The following CYSTM1 variants were observed in gnomAD, a reference collection of about 807,000 sequenced individuals.
CYSTM1 encodes the protein cysteine-rich transmembrane module-containing protein 1.
In CYSTM1, 4 loss-of-function variants were observed where a neutral mutation model predicts 13.1. The observed-to-expected ratio is 0.31, with a 90% CI of 0.15 to 0.70. The LOEUF (loss-of-function observed/expected upper bound fraction) is 0.70. Ranked by LOEUF, CYSTM1 falls within the 30% of genes least tolerant of loss-of-function variation. CYSTM1 has a pLI of 0.72. For synonymous variants in CYSTM1, 36 were observed against 42.7 expected (o/e 0.84, Z 0.62); for missense variants, 96 against 121.6 (o/e 0.79, Z 0.99).
chr5:140,213,913 T>C (rs1764399659), intron 2 of CYSTM1, among the ~76,000 whole-genome samples: 1 of 152,240 alleles, frequency 6.6e-6, no homozygotes, highest in Non-Finnish European at 1.5e-5. Context: ...CATGACTGTA[T>C]TGTACTGTTT....
intron 2 of CYSTM1, among the ~76,000 whole-genome samples, chr5:140,216,479 G>T (rs80346367): frequency 6.6e-6 from 1 of 152,136 alleles, no homozygotes; most frequent in Non-Finnish European, 1.5e-5. Flanking sequence ...AGGGGATGGG[G>T]GTCCGTGGAG....
intron 2 of CYSTM1, among the ~76,000 whole-genome samples, chr5:140,196,513 A>T (rs972020697): frequency 6.6e-6 from 1 of 152,258 alleles, no homozygotes; most frequent in Non-Finnish European, 1.5e-5. Context: ...TGAATAGAAT[A>T]TTTGAATACC....
At chr5:140,204,927 C>A (rs1391530013) in intron 2 of CYSTM1, among the ~76,000 whole-genome samples, 2 of 152,148 alleles carry the variant, frequency 1.3e-5, no homozygotes, top group Non-Finnish European at 2.9e-5. Context: ...TATTTTAACT[C>A]CCATAAGTCC....
chr5:140,204,103 A>C (rs903309871), intron 2 of CYSTM1, among the ~76,000 whole-genome samples: 3 of 152,188 alleles, frequency 2.0e-5, no homozygotes, highest in African/African-American at 7.2e-5. Flanking sequence ...CAGGAAACTC[A>C]TGCCTGTAGT....
At chr5:140,194,415 G>T in intron 1 of CYSTM1, 31 bp from the exon 2 acceptor site, 1 of 1,512,064 alleles carries the variant, frequency 6.6e-7, no homozygotes, top group Non-Finnish European at 8.8e-7. Flanking sequence ...ACAGTTAAAT[G>T]CAAATAATTT....
intron 2 of CYSTM1, among the ~76,000 whole-genome samples, chr5:140,223,095 C>T (rs1030371387): frequency 2.6e-5 from 4 of 152,162 alleles, no homozygotes; most frequent in African/African-American, 9.7e-5. Flanking sequence ...TGAATGATTG[C>T]AATTACAGTG....
chr5:140,232,180 A>G (rs1764625165), intron 2 of CYSTM1, among the ~76,000 whole-genome samples: 1 of 152,170 alleles, frequency 6.6e-6, no homozygotes, highest in Non-Finnish European at 1.5e-5. Flanking sequence ...AGAGAAAGGA[A>G]TCATGATTGG....
intron 2 of CYSTM1, among the ~76,000 whole-genome samples, chr5:140,198,936 C>A (rs1764185874): frequency 6.6e-6 from 1 of 152,130 alleles, no homozygotes; most frequent in African/African-American, 2.4e-5. Context: ...GGTATTTCTC[C>A]TAATGCTATC....
intron 2 of CYSTM1, among the ~76,000 whole-genome samples, chr5:140,223,019 C>T (rs1764509212): frequency 6.6e-6 from 1 of 152,220 alleles, no homozygotes; most frequent in African/African-American, 2.4e-5. Flanking sequence ...TAGATACTCA[C>T]CTTGAGCCCA....
chr5:140,205,662 ATAAAG>A (rs1764290119), intron 2 of CYSTM1, among the ~76,000 whole-genome samples: 2 of 152,180 alleles, frequency 1.3e-5, no homozygotes, highest in African/African-American at 2.4e-5. Flanking sequence ...TAAAGAATAA[ATAAAG>A]TAATGCATCT....
chr5:140,194,268 T>A (rs1320084508), intron 1 of CYSTM1, among the ~76,000 whole-genome samples, 178 bp from the exon 2 acceptor site: 1 of 152,120 alleles, frequency 6.6e-6, no homozygotes, highest in African/African-American at 2.4e-5. Context: ...AATAAATATA[T>A]AAGATAATTG....
chr5:140,189,010 C>T (rs923301377), intron 1 of CYSTM1, among the ~76,000 whole-genome samples: 1 of 151,974 alleles, frequency 6.6e-6, no homozygotes, highest in African/African-American at 2.4e-5. Context: ...CTGAAGGTTC[C>T]CTTCTATCTT....
chr5:140,199,746 C>T (rs972229589), intron 2 of CYSTM1, among the ~76,000 whole-genome samples: 1 of 152,188 alleles, frequency 6.6e-6, no homozygotes, highest in Admixed American at 6.5e-5. Context: ...CTTGGCCTCC[C>T]AAAGTGCTGG....
chr5:140,197,795 G>A (rs1320608907), intron 2 of CYSTM1, among the ~76,000 whole-genome samples: 1 of 152,112 alleles, frequency 6.6e-6, no homozygotes, highest in African/African-American at 2.4e-5. Context: ...TACATAGGTA[G>A]AAATGGTTTC....
chr5:140,238,399 G>A (rs183842256), intron 2 of CYSTM1, among the ~76,000 whole-genome samples: 88 of 152,286 alleles, frequency 5.8e-4, no homozygotes, highest in African/African-American at 2.0e-3. Context: ...GATTGCCTCT[G>A]CCCAGATATT....
At chr5:140,217,080 A>T (rs144816548) in intron 2 of CYSTM1, among the ~76,000 whole-genome samples, 14 of 152,222 alleles carry the variant, frequency 9.2e-5, no homozygotes, top group Admixed American at 2.0e-4. Context: ...AATCTCCATT[A>T]GGCTTTTTTC....
chr5:140,227,073 C>T (rs1561816539), intron 2 of CYSTM1, among the ~76,000 whole-genome samples: 1 of 152,140 alleles, frequency 6.6e-6, no homozygotes. Flanking sequence ...GGTTAGGGAC[C>T]TGGAGGTGGC....
At chr5:140,204,434 G>A (rs1446596396) in intron 2 of CYSTM1, among the ~76,000 whole-genome samples, 2 of 152,162 alleles carry the variant, frequency 1.3e-5, no homozygotes, top group East Asian at 3.8e-4. Context: ...ATGCCCTGCT[G>A]CTGTGATACA....
chr5:140,193,472 C>T (rs865795639), intron 1 of CYSTM1, among the ~76,000 whole-genome samples: 7 of 152,096 alleles, frequency 4.6e-5, no homozygotes, highest in Admixed American at 2.0e-4. Context: ...TTAGTAGAGA[C>T]GGGGTTTCAC....
Sources: allele counts gnomAD v4.1 joint callset (sites outside exome capture counted in the v4.1 genomes callset), GRCh38; gene constraint gnomAD v4.1.1; transcripts MANE v1.5; gene names NCBI Gene and HGNC (gene_info 2026-07-23, HGNC 2026-07-21).